ANKRD30A: variants seen among roughly 807,000 people sequenced by gnomAD.
ANKRD30A encodes ankyrin repeat domain 30A, also known as ankyrin repeat domain-containing protein 30A.
A neutral mutation model predicts 166.3 loss-of-function variants in ANKRD30A; 170 were observed. That is an observed-to-expected ratio of 1.02 (90% confidence interval 0.90 to 1.16). The LOEUF (loss-of-function observed/expected upper bound fraction) is 1.16. Ranked by LOEUF, ANKRD30A falls within the 50% of genes most tolerant of loss-of-function variation. The pLI, the probability that ANKRD30A is intolerant of heterozygous loss-of-function variation, is 0.00. For missense variants in ANKRD30A, 1,630 were observed against 1,518.0 expected, an observed-to-expected ratio of 1.07 and a Z score of -1.23; for synonymous variants, 564 against 508.9, an observed-to-expected ratio of 1.11 and a Z score of -1.46.
chr10:37,158,826 G>A (rs1838595391), intron 15 of ANKRD30A, among the ~76,000 whole-genome samples: 4 of 152,132 alleles, frequency 2.6e-5, no homozygotes, highest in Non-Finnish European at 5.9e-5. Flanking sequence ...TCCTGATAGT[G>A]TAAAGTTTCC....
the ANKRD30A span, among the ~76,000 whole-genome samples, chr10:37,247,472 G>A: frequency 6.6e-6 from 1 of 151,992 alleles, no homozygotes; most frequent in Non-Finnish European, 1.5e-5. Context: ...TGTGAATCAT[G>A]GAATCTCATG....
the ANKRD30A span, among the ~76,000 whole-genome samples, chr10:37,241,446 A>AT: frequency 6.6e-6 from 1 of 151,856 alleles, no homozygotes; most frequent in Non-Finnish European, 1.5e-5. Flanking sequence ...TTTATATGGC[A>AT]TTTTAAACCA....
chr10:37,167,440 A>G (rs1839445513), intron 19 of ANKRD30A, among the ~76,000 whole-genome samples: 1 of 151,594 alleles, frequency 6.6e-6, no homozygotes, highest in Non-Finnish European at 1.5e-5. Flanking sequence ...TTAGCAAATA[A>G]CATGATACAC....
In ANKRD30A at chr10:37,231,506, C is replaced by G; in HGVS notation, c.*37C>G. On this transcript the variant is annotated 3_prime_UTR_variant, in exon 35 of 36. Coordinates refer to ENST00000361713, the MANE Select transcript of ANKRD30A (RefSeq NM_052997.3). ...TAAGAAACTTCTTTTGGAGAAACAA[C>G]AGACCAGATCTTTACTCACAACTCA... is the stretch of plus-strand genomic sequence containing the variant. The G allele has an allele frequency of 6.4e-7, 1 of 1,562,406 alleles. No individual in the cohort carries two copies.
intron 6 of ANKRD30A, among the ~76,000 whole-genome samples, chr10:37,138,040 A>G (rs1301598694): frequency 6.6e-6 from 1 of 152,118 alleles, no homozygotes; most frequent in East Asian, 1.9e-4. Context: ...CTTCCACAGG[A>G]ATGATCAGGC....
intron 3 of ANKRD30A, among the ~76,000 whole-genome samples, chr10:37,131,625 G>T (rs1207676474): frequency 6.6e-6 from 1 of 152,130 alleles, no homozygotes; most frequent in African/African-American, 2.4e-5. Context: ...GTATCACCCA[G>T]AGGAAACCTC....
chr10:37,252,682 GT>G, the ANKRD30A span, among the ~76,000 whole-genome samples: 652 of 142,994 alleles, frequency 4.6e-3, 3 homozygotes, highest in African/African-American at 0.014. Context: ...AAAATTTACA[GT>G]TTTTTTTTTT....
intron 31 of ANKRD30A, among the ~76,000 whole-genome samples, chr10:37,211,122 C>T (rs959763560): frequency 6.6e-6 from 1 of 151,456 alleles, no homozygotes; most frequent in African/African-American, 2.4e-5. Context: ...GTGTTTAATC[C>T]ATCTTTTTTT....
chr10:37,221,454 T>C (rs1458351889), intron 34 of ANKRD30A, among the ~76,000 whole-genome samples: 1 of 151,148 alleles, frequency 6.6e-6, no homozygotes, highest in Non-Finnish European at 1.5e-5. Context: ...AATGAAGAAA[T>C]GATTTCAAAT....
At chr10:37,250,305 T>TGGCC in the ANKRD30A span, among the ~76,000 whole-genome samples, 2 of 151,810 alleles carry the variant, frequency 1.3e-5, no homozygotes, top group East Asian at 1.9e-4. Flanking sequence ...GAGTAGGGGG[T>TGGCC]GGCCATACAG....
chr10:37,160,962 T>C (rs986670945), intron 15 of ANKRD30A, among the ~76,000 whole-genome samples: 2 of 151,864 alleles, frequency 1.3e-5, no homozygotes, highest in African/African-American at 4.9e-5. Flanking sequence ...ATATTTATTT[T>C]AAAAATGGTG....
intron 13 of ANKRD30A, among the ~76,000 whole-genome samples, chr10:37,157,547 G>C (rs1426184092): frequency 2.6e-5 from 4 of 152,102 alleles, no homozygotes; most frequent in Admixed American, 2.6e-4. Context: ...TGTAATTTTA[G>C]TGGAGACAGT....
In ANKRD30A at chr10:37,162,848, G is replaced by C; in HGVS notation, c.2002G>C (p.Asp668His). 1 of 1,612,834 alleles carries C rather than the reference G, an allele frequency of 6.2e-7. No homozygotes were observed. The highest frequency in any genetic ancestry group is 8.5e-7 in the Non-Finnish European group (1 of 1,179,400). The stretch of plus-strand genomic sequence containing the variant: ...GAAAAATGAACAAACATTGAGAGCA[G>C]GTAAATTTTTCAATGTAACTATGGA... Reference protein sequence around the residue: ...ELKNEQTLRADEILPSESKQK... With the variant: ...ELKNEQTLRAHEILPSESKQK... The change falls in exon 17 of 36, where the codon GAT becomes CAT. Residue 668 changes from aspartate (D) to histidine (H), a missense_variant and splice_region_variant. Physicochemically the swap from Asp to His is moderately conservative, Grantham distance 81. Coordinates refer to ENST00000361713, the MANE Select transcript of ANKRD30A (RefSeq NM_052997.3).
chr10:37,194,143 C>T (rs1305125865), intron 27 of ANKRD30A, among the ~76,000 whole-genome samples: 4 of 151,854 alleles, frequency 2.6e-5, no homozygotes, highest in African/African-American at 9.7e-5. Flanking sequence ...TTGCATGAGC[C>T]GAGCTTGTGC....
the ANKRD30A span, among the ~76,000 whole-genome samples, chr10:37,250,410 G>A: frequency 6.6e-6 from 1 of 152,040 alleles, no homozygotes; most frequent in African/African-American, 2.4e-5. Context: ...TATGGGAAGT[G>A]TTTTATTGGG....
the ANKRD30A span, among the ~76,000 whole-genome samples, chr10:37,241,539 T>A: frequency 1.3e-5 from 2 of 152,046 alleles, no homozygotes; most frequent in African/African-American, 4.8e-5. Flanking sequence ...ACTCAAATGA[T>A]TCAATAGGCA....
rs535182700 is a variant in ANKRD30A, at chr10:37,152,008, T to C, written c.1646-52T>C. The stretch of plus-strand genomic sequence containing the variant: ...AGTAGATTTGTATATGTTTTTAAAA[T>C]TTATAGTAGAGAAATGTTGTCATGA... On this transcript the variant is annotated intron_variant, in intron 11 of 35. Coordinates refer to ENST00000361713, the MANE Select transcript of ANKRD30A (RefSeq NM_052997.3). 4 of 1,483,420 alleles carry C rather than the reference T, an allele frequency of 2.7e-6. No homozygotes were observed. In the African/African-American group the frequency reaches 5.6e-5, roughly 21 times the overall value. 91.9% of individuals were successfully genotyped at this position (1,483,420 alleles called of 1,614,324 possible). A position where few individuals can be genotyped will look rare whatever the true frequency, so the allele number is the denominator to read the frequency against.
intron 4 of ANKRD30A, 112 bp from the exon 5 acceptor site, chr10:37,133,804 C>T (rs988439908): frequency 1.7e-5 from 21 of 1,256,378 alleles, no homozygotes; most frequent in African/African-American, 3.0e-5. Context: ...AACACTTGAG[C>T]ACTCAAGATA....
At chr10:37,191,827 C>T (rs1220732119) in intron 25 of ANKRD30A, among the ~76,000 whole-genome samples, 1 of 151,926 alleles carries the variant, frequency 6.6e-6, no homozygotes, top group Non-Finnish European at 1.5e-5. Flanking sequence ...AACCCCACCT[C>T]TACTAGTAAT....
Sources: allele counts gnomAD v4.1 joint callset (sites outside exome capture counted in the v4.1 genomes callset), GRCh38; gene constraint gnomAD v4.1.1; transcripts MANE v1.5; gene names NCBI Gene and HGNC (gene_info 2026-07-23, HGNC 2026-07-21).